CFAP299: variants seen among roughly 807,000 people sequenced by gnomAD.
CFAP299 encodes the protein cilia and flagella associated protein 299, also known as cilia- and flagella-associated protein 299.
A neutral mutation model predicts 27.0 loss-of-function variants in CFAP299; 21 were observed. The ratio of observed to expected loss-of-function variants is 0.78; its 90% CI spans 0.55 to 1.12. The LOEUF is 1.12. CFAP299 is among the 50% of genes most tolerant of loss of function. The pLI is 0.00. For missense variants in CFAP299, 310 were observed against 276.6 expected (o/e 1.12, Z -0.86); for synonymous variants, 104 against 98.1 (o/e 1.06, Z -0.36).
At chr4:80,460,733 C>G (rs533824498) in intron 2 of CFAP299, among the ~76,000 whole-genome samples, 1 of 152,144 alleles carries the variant, frequency 6.6e-6, no homozygotes, top group African/African-American at 2.4e-5. Flanking sequence ...CTCTTTCATA[C>G]TTGGTTTGCC....
At chr4:80,579,063 A>C (rs1208385888) in intron 2 of CFAP299, among the ~76,000 whole-genome samples, 4 of 152,208 alleles carry the variant, frequency 2.6e-5, no homozygotes, top group Admixed American at 2.0e-4. Flanking sequence ...ACAGTGGCTG[A>C]AAGCAAATAT....
chr4:80,644,954 C>T (rs1192723937), intron 3 of CFAP299, among the ~76,000 whole-genome samples: 2 of 152,076 alleles, frequency 1.3e-5, no homozygotes, highest in African/African-American at 2.4e-5. Flanking sequence ...TAATCATACC[C>T]GCCTTCTTGT....
chr4:80,828,643 G>C (rs1351172753), intron 3 of CFAP299, among the ~76,000 whole-genome samples: 1 of 151,776 alleles, frequency 6.6e-6, no homozygotes, highest in Non-Finnish European at 1.5e-5. Flanking sequence ...GCTCCTGCCT[G>C]CTCCCCCTTC....
chr4:80,776,831 C>G (rs1726570723), intron 3 of CFAP299, among the ~76,000 whole-genome samples: 1 of 150,716 alleles, frequency 6.6e-6, no homozygotes. Context: ...ATTGAACAAT[C>G]AGATAAAATG....
intron 3 of CFAP299, among the ~76,000 whole-genome samples, chr4:80,756,934 T>C (rs1387790915): frequency 6.6e-6 from 1 of 152,182 alleles, no homozygotes; most frequent in Non-Finnish European, 1.5e-5. Context: ...CTAAAATATA[T>C]TGGATATTTA....
In CFAP299 at chr4:80,853,187, C is replaced by T. The variant is rs187978126; in HGVS notation, c.334-16806C>T. ...CTGGGATTACAGGTACCTGCCATCA[C>T]ATCCAGCTAATTTTTGTATTTTTAG... On this transcript the variant is annotated intron_variant, in intron 3 of 5. Transcript: ENST00000358105. 4.6e-5 allele frequency among the ~76,000 whole-genome samples: 7 copies of T among 152,186 alleles called. No homozygotes were observed. In the East Asian group the frequency reaches 9.7e-4, roughly 21 times the overall value.
intron 3 of CFAP299, among the ~76,000 whole-genome samples, chr4:80,696,753 A>G (rs1452039484): frequency 6.6e-6 from 1 of 152,182 alleles, no homozygotes; most frequent in African/African-American, 2.4e-5. Flanking sequence ...CTGAATGGCT[A>G]CAAGAACAAT....
At chr4:80,755,866 G>C (rs1260852528) in intron 3 of CFAP299, among the ~76,000 whole-genome samples, 1 of 152,072 alleles carries the variant, frequency 6.6e-6, no homozygotes, top group African/African-American at 2.4e-5. Flanking sequence ...GTCTCAGTTA[G>C]GGCCATCCTA....
chr4:80,684,155 A>T (rs940056590), intron 3 of CFAP299, among the ~76,000 whole-genome samples: 2 of 152,138 alleles, frequency 1.3e-5, no homozygotes, highest in African/African-American at 4.8e-5. Flanking sequence ...TTATACAATA[A>T]TTAATTGGGA....
chr4:80,390,512 C>CATATATATGTATATATGTATGTAT (rs1327268961), intron 2 of CFAP299, among the ~76,000 whole-genome samples: 2 of 124,882 alleles, frequency 1.6e-5, no homozygotes, highest in Non-Finnish European at 1.6e-5. Flanking sequence ...TATATATACA[C>CATATATATGTATATATGTATGTAT]ACATATATGT....
chr4:80,681,439 C>A (rs553590932), intron 3 of CFAP299, among the ~76,000 whole-genome samples: 163 of 149,068 alleles, frequency 1.1e-3, no homozygotes, highest in African/African-American at 3.7e-3. Flanking sequence ...AAAAAAAAAA[C>A]TGAGAAATCA....
intron 3 of CFAP299, among the ~76,000 whole-genome samples, chr4:80,660,267 A>T (rs1186724513): frequency 1.3e-5 from 2 of 152,158 alleles, no homozygotes; most frequent in African/African-American, 4.8e-5. Flanking sequence ...ATAGCATAGA[A>T]GATAAAAAGA....
At chr4:80,604,294 A>C (rs1195751124) in intron 3 of CFAP299, among the ~76,000 whole-genome samples, 1 of 152,132 alleles carries the variant, frequency 6.6e-6, no homozygotes, top group Non-Finnish European at 1.5e-5. Flanking sequence ...ATAAAGTAAG[A>C]GAAAATGCAA....
At chr4:80,663,029 A>C (rs1490931466) in intron 3 of CFAP299, among the ~76,000 whole-genome samples, 6 of 151,966 alleles carry the variant, frequency 3.9e-5, no homozygotes, top group Non-Finnish European at 5.9e-5. Flanking sequence ...AAAAAAAAAA[A>C]CAACACATCA....
rs761800837 is a variant in CFAP299 at position 80,870,099 on chromosome 4, GA to G, written c.448del (p.Arg150AspfsTer9). Reference sequence around the variant, plus strand: ...GAAGATTTTGAAGTCTACTTTACTGGAAAAAAAAGACTTCTTCCAAGGCCTA... The same window carrying G: ...GAAGATTTTGAAGTCTACTTTACTGGAAAAAAAGACTTCTTCCAAGGCCTA... Reference protein sequence around the residue: ...KTEDFEVYFTGKKRLLPRPTD... With the variant: ...KTEDFEVYFTXKKRLLPRPTD... On this transcript the variant is annotated frameshift_variant, in exon 4 of 6. Transcript: ENST00000358105. LOFTEE classifies it high-confidence loss of function. 5.0e-6 allele frequency: 8 copies of G among 1,609,526 alleles called. No homozygotes were observed. The highest frequency in any genetic ancestry group is 2.2e-5 in the East Asian group (1 of 44,800).
intron 4 of CFAP299, among the ~76,000 whole-genome samples, chr4:80,881,946 CA>C (rs1733725373): frequency 6.6e-6 from 1 of 151,964 alleles, no homozygotes; most frequent in African/African-American, 2.4e-5. Flanking sequence ...GGCAGAGGAA[CA>C]CCATAACCAA....
intron 1 of CFAP299, among the ~76,000 whole-genome samples, chr4:80,357,477 TG>T (rs1723332343): frequency 6.6e-6 from 1 of 152,188 alleles, no homozygotes; most frequent in Admixed American, 6.5e-5. Context: ...TGGGCTTTTT[TG>T]GTTGGTAGGC....
At chr4:80,471,991 T>C (rs1730022840) in intron 2 of CFAP299, among the ~76,000 whole-genome samples, 1 of 152,172 alleles carries the variant, frequency 6.6e-6, no homozygotes. Context: ...AATGTTGACT[T>C]AGGAGTCGTA....
chr4:80,761,588 T>C (rs1466663584), intron 3 of CFAP299, among the ~76,000 whole-genome samples: 1 of 152,046 alleles, frequency 6.6e-6, no homozygotes. Context: ...GAATGTATAT[T>C]CAATAAAGTA....
Sources: allele counts gnomAD v4.1 joint callset (sites outside exome capture counted in the v4.1 genomes callset), GRCh38; gene constraint gnomAD v4.1.1; transcripts MANE v1.5; gene names NCBI Gene and HGNC (gene_info 2026-07-23, HGNC 2026-07-21).